Variants in UHRF2 observed in about 807,000 individuals in gnomAD.
UHRF2 encodes the protein E3 ubiquitin-protein ligase UHRF2.
A neutral mutation model predicts 96.8 loss-of-function variants in UHRF2; 23 were observed. The ratio of observed to expected loss-of-function variants is 0.24; its 90% CI spans 0.17 to 0.34. The LOEUF is 0.34. Ranked by LOEUF, UHRF2 falls within the 10% of genes least tolerant of loss-of-function variation. The pLI is 1.00. For synonymous variants in UHRF2, 385 were observed against 332.6 expected (o/e 1.16, Z -1.72); for missense variants, 685 against 981.5 (o/e 0.70, Z 4.04).
At chr9:6,489,180 A>C (rs1396239829) in intron 9 of UHRF2, among the ~76,000 whole-genome samples, 1 of 152,118 alleles carries the variant, frequency 6.6e-6, no homozygotes, top group Non-Finnish European at 1.5e-5. Context: ...TTATATATTA[A>C]CCTTTAGGAT....
intron 1 of UHRF2, among the ~76,000 whole-genome samples, chr9:6,419,077 C>G (rs1176803202): frequency 6.6e-6 from 1 of 152,120 alleles, no homozygotes; most frequent in African/African-American, 2.4e-5. Flanking sequence ...GCCCTAATGA[C>G]TTTGTTTTAA....
intron 3 of UHRF2, among the ~76,000 whole-genome samples, chr9:6,437,804 G>T (rs1473381712): frequency 1.3e-5 from 2 of 152,048 alleles, no homozygotes; most frequent in Admixed American, 1.3e-4. Context: ...TTTTAGTTGA[G>T]ACTGGGTTTC....
chr9:6,452,995 T>C (rs1194358960), intron 3 of UHRF2, among the ~76,000 whole-genome samples: 1 of 152,216 alleles, frequency 6.6e-6, no homozygotes, highest in African/African-American at 2.4e-5. Context: ...TTTTGTTTTT[T>C]CTTCCCCCTA....
chr9:6,471,085 C>G (rs140401964), intron 4 of UHRF2, among the ~76,000 whole-genome samples: 318 of 152,260 alleles, frequency 2.1e-3, no homozygotes, highest in African/African-American at 7.0e-3. Flanking sequence ...AAGAAGATGA[C>G]AACAGCAAAG....
chr9:6,501,763 G>A (rs1024997730), intron 14 of UHRF2, among the ~76,000 whole-genome samples: 6 of 152,168 alleles, frequency 3.9e-5, no homozygotes, highest in Non-Finnish European at 8.8e-5. Flanking sequence ...GACTTTGTTA[G>A]GTCACACTCA....
intron 2 of UHRF2, chr9:6,422,661 G>A (rs1253563221): frequency 3.1e-6 from 2 of 648,310 alleles, no homozygotes; most frequent in Non-Finnish European, 5.8e-6. Flanking sequence ...CCAGGCTGTA[G>A]TGCAGTGACG....
Position 6,413,331 on chromosome 9 carries a change from C to T in UHRF2, c.-160C>T. 4 of 614,098 alleles carry T rather than the reference C, an allele frequency of 6.5e-6. No homozygotes were observed. The highest frequency in any genetic ancestry group is 6.5e-6 in the Non-Finnish European group (3 of 458,068). 38.0% of individuals were successfully genotyped at this position (614,098 alleles called of 1,614,324 possible). On this transcript the variant is annotated 5_prime_UTR_variant, in exon 1 of 16. Transcript: ENST00000276893. ...GTCGGGCGCGCGCGCTGAGAGTCGT[C>T]GCCGCCTGTCGGGCCCGGCGTCCGG...
intron 8 of UHRF2, among the ~76,000 whole-genome samples, chr9:6,484,392 T>TCTC (rs1196787369): frequency 4.7e-4 from 71 of 149,556 alleles, no homozygotes; most frequent in African/African-American, 1.5e-3. Flanking sequence ...GGCAGCAGCT[T>TCTC]CTCCTCCTCC....
At chr9:6,424,321 A>G (rs1290815621) in intron 2 of UHRF2, among the ~76,000 whole-genome samples, 1 of 152,232 alleles carries the variant, frequency 6.6e-6, no homozygotes, top group African/African-American at 2.4e-5. Flanking sequence ...AAAAGGTAGA[A>G]TCTGGGAATA....
At chr9:6,461,067 T>A (rs1822506446) in intron 4 of UHRF2, among the ~76,000 whole-genome samples, 1 of 152,210 alleles carries the variant, frequency 6.6e-6, no homozygotes, top group African/African-American at 2.4e-5. Context: ...ATAGGATTCT[T>A]ATAGATTGAA....
At chr9:6,424,661 C>A (rs1234672148) in intron 2 of UHRF2, among the ~76,000 whole-genome samples, 1 of 152,054 alleles carries the variant, frequency 6.6e-6, no homozygotes, top group Non-Finnish European at 1.5e-5. Flanking sequence ...ATTAATGACC[C>A]ATATTTTCTT....
rs919013592 is a variant in UHRF2 at position 6,470,144 on chromosome 9, G to A, written c.864-5247G>A. Among the ~76,000 whole-genome samples the A allele has an allele frequency of 6.6e-5, 10 of 152,108 alleles. No individual in the cohort carries two copies. The South Asian group carries it at 8.3e-4, about 13-fold the overall frequency. On this transcript the variant is annotated intron_variant, in intron 4 of 15. Coordinates refer to ENST00000276893, the MANE Select transcript of UHRF2 (RefSeq NM_152896.3). ...TCGCAGCATTTTGGAAGGCCAAGGCGGGCAGATCACTTGAGGTCAGGAATT... is the reference window on the plus strand; with the variant it reads ...TCGCAGCATTTTGGAAGGCCAAGGCAGGCAGATCACTTGAGGTCAGGAATT...
chr9:6,469,745 T>C (rs1019134815), intron 4 of UHRF2, among the ~76,000 whole-genome samples: 1 of 141,604 alleles, frequency 7.1e-6, no homozygotes, highest in Admixed American at 7.2e-5. Flanking sequence ...TGTATATATA[T>C]ACACGTATAT....
intron 3 of UHRF2, among the ~76,000 whole-genome samples, chr9:6,460,275 T>C (rs959363572): frequency 1.3e-5 from 2 of 152,172 alleles, no homozygotes; most frequent in Non-Finnish European, 2.9e-5. Context: ...TTGTGGTTCT[T>C]GAATGCGGGC....
chr9:6,463,223 G>A (rs1239988316), intron 4 of UHRF2, among the ~76,000 whole-genome samples: 2 of 151,970 alleles, frequency 1.3e-5, no homozygotes, highest in South Asian at 2.1e-4. Context: ...GCAGATTGCC[G>A]TGAGCTGAGG....
chr9:6,423,949 A>T lies in UHRF2; in HGVS notation c.384+2807A>T, dbSNP rs184047209. 1.2e-3 allele frequency among the ~76,000 whole-genome samples: 177 copies of T among 151,612 alleles called. 1 individual carries two copies. The highest frequency in any genetic ancestry group is 4.6e-3 in the South Asian group (22 of 4,804). On this transcript the variant is annotated intron_variant, in intron 2 of 15. Coordinates refer to ENST00000276893, the MANE Select transcript of UHRF2 (RefSeq NM_152896.3). ...GACACAGTGAGACTCAGTATCAAAA[A>T]AAATAAATAAATAAATAAAGGAACT... is the stretch of plus-strand genomic sequence containing the variant.
At chr9:6,416,762 C>G (rs10815432) in intron 1 of UHRF2, among the ~76,000 whole-genome samples, 105,113 of 150,580 alleles carry the variant, frequency 0.7, 39,137 homozygotes, top group South Asian at 0.83. Flanking sequence ...CTCCTGACCT[C>G]GTGATCCGCC....
chr9:6,468,627 C>T (rs1488454202), intron 4 of UHRF2: 1 of 456,002 alleles, frequency 2.2e-6, no homozygotes, highest in Admixed American at 2.3e-5. Flanking sequence ...ATTTGGGATG[C>T]CTCAAGCATA....
chr9:6,423,162 G>T (rs1186227916), intron 2 of UHRF2, among the ~76,000 whole-genome samples: 2 of 152,174 alleles, frequency 1.3e-5, no homozygotes, highest in African/African-American at 4.8e-5. Context: ...AATGCCAACA[G>T]ATCTACATAT....
Sources: allele counts gnomAD v4.1 joint callset (sites outside exome capture counted in the v4.1 genomes callset), GRCh38; gene constraint gnomAD v4.1.1; transcripts MANE v1.5; gene names NCBI Gene and HGNC (gene_info 2026-07-23, HGNC 2026-07-21).